The following ADAM22 variants were observed in gnomAD, a reference collection of about 807,000 sequenced individuals.
The protein encoded by ADAM22 is ADAM metallopeptidase domain 22.
In ADAM22, 65 loss-of-function variants were observed where a neutral mutation model predicts 144.6. The ratio of observed to expected loss-of-function variants is 0.45; its 90% CI spans 0.37 to 0.55. The LOEUF is 0.55. Ranked by LOEUF, ADAM22 falls within the 20% of genes least tolerant of loss-of-function variation. The probability of loss-of-function intolerance (pLI) is 0.00; values close to 1 mark genes in which losing one functional copy is unlikely to be tolerated. For synonymous variants in ADAM22, 391 were observed against 412.6 expected (o/e 0.95, Z 0.63); for missense variants, 974 against 1,184.9 (o/e 0.82, Z 2.61).
rs13235292 is a variant in ADAM22, at chr7:88,110,724, C to T, written c.473+2466C>T. Among the ~76,000 whole-genome samples the T allele has an allele frequency of 1.7e-3, 240 of 137,594 alleles. 2 individuals are homozygous for T. The highest frequency in any genetic ancestry group is 6.2e-3 in the African/African-American group (227 of 36,910). 90.3% of individuals were successfully genotyped at this position (137,594 alleles called of 152,430 possible). A position where few individuals can be genotyped will look rare whatever the true frequency, so the allele number is the denominator to read the frequency against. ...TCTTTCATTCATTCGTTCATTTGTT[C>T]GTTCGTTCATTCATTCTTTCTTTTG... On this transcript the variant is annotated intron_variant, in intron 5 of 31. Transcript: ENST00000413139.
chr7:88,039,449 C>CAAAAAAAAAAAA lies in ADAM22; in HGVS notation c.324-36172_324-36161dup, dbSNP rs1216762883. ...AGGGCAACAGAGCGAGATTCTGTCT[C>CAAAAAAAAAAAA]AAAAAAAAAAAAAAAATATATATAT... On this transcript the variant is annotated intron_variant, in intron 3 of 31. Coordinates refer to ENST00000413139, the MANE Select transcript of ADAM22 (RefSeq NM_001324418.2). Among the ~76,000 whole-genome samples, 119 of 58,596 alleles carry CAAAAAAAAAAAA rather than the reference C, an allele frequency of 2.0e-3. 8 individuals carry two copies. Among genetic ancestry groups the CAAAAAAAAAAAA allele is most frequent in the African/African-American group, 3.3e-3 (62 of 18,646 alleles). 38.4% of individuals were successfully genotyped at this position (58,596 alleles called of 152,430 possible).
intron 2 of ADAM22, among the ~76,000 whole-genome samples, chr7:87,961,406 G>T (rs565911596): frequency 4.6e-5 from 7 of 152,324 alleles, no homozygotes; most frequent in African/African-American, 1.7e-4. Context: ...TGGTCTCACA[G>T]TATTGGATTA....
At chr7:88,053,182 A>G (rs990442313) in intron 3 of ADAM22, among the ~76,000 whole-genome samples, 1 of 152,098 alleles carries the variant, frequency 6.6e-6, no homozygotes, top group Non-Finnish European at 1.5e-5. Flanking sequence ...TTACAGACAC[A>G]CACATAATTG....
Position 87,996,377 on chromosome 7 carries a change from T to G in ADAM22, c.323+17965T>G, listed in dbSNP as rs371059451. On this transcript the variant is annotated intron_variant, in intron 3 of 31. Coordinates refer to ENST00000413139, the MANE Select transcript of ADAM22 (RefSeq NM_001324418.2). ...TGATTCTGTCTTATTGAGGGCCTTC[T>G]TCCTAGTTTGCAGATAGCTACCTTC... 3.9e-5 allele frequency among the ~76,000 whole-genome samples: 6 copies of G among 152,222 alleles called. 1 individual carries two copies. Among genetic ancestry groups the G allele is most frequent in the Admixed American group, 2.6e-4 (4 of 15,288 alleles).
chr7:88,138,423 T>C (rs937467647), intron 14 of ADAM22, among the ~76,000 whole-genome samples: 1 of 152,208 alleles, frequency 6.6e-6, no homozygotes, highest in African/African-American at 2.4e-5. Flanking sequence ...GGAATTCTTC[T>C]TAAAGAGATG....
chr7:88,030,522 C>T (rs1270684236), intron 3 of ADAM22, among the ~76,000 whole-genome samples: 1 of 151,984 alleles, frequency 6.6e-6, no homozygotes, highest in African/African-American at 2.4e-5. Context: ...GTGTCTCCAC[C>T]CAAATCTCAT....
intron 2 of ADAM22, among the ~76,000 whole-genome samples, chr7:87,954,512 G>C (rs184305035): frequency 6.6e-6 from 1 of 152,278 alleles, no homozygotes; most frequent in Admixed American, 6.5e-5. Context: ...TGAGAGATCT[G>C]CTGTTAGTCT....
At chr7:88,085,608 A>G (rs1008125872) in intron 4 of ADAM22, among the ~76,000 whole-genome samples, 7 of 152,184 alleles carry the variant, frequency 4.6e-5, no homozygotes, top group African/African-American at 1.2e-4. Flanking sequence ...TTAAAAACCT[A>G]TATGGTAAAA....
At chr7:88,044,148 C>T (rs1228251382) in intron 3 of ADAM22, among the ~76,000 whole-genome samples, 1 of 152,122 alleles carries the variant, frequency 6.6e-6, no homozygotes, top group African/African-American at 2.4e-5. Flanking sequence ...AAATAATAGC[C>T]CTTGACTGCT....
At chr7:88,155,471 A>C (rs1037238626) in intron 21 of ADAM22, among the ~76,000 whole-genome samples, 9 of 151,530 alleles carry the variant, frequency 5.9e-5, no homozygotes, top group Admixed American at 4.6e-4. Context: ...GCAGTGAGCC[A>C]TGATTACACC....
intron 25 of ADAM22, among the ~76,000 whole-genome samples, chr7:88,169,260 A>G (rs1843664281): frequency 6.6e-6 from 1 of 152,094 alleles, no homozygotes; most frequent in Admixed American, 6.6e-5. Flanking sequence ...TTTGTGGAAG[A>G]CTATATATTA....
chr7:88,125,750 A>G, intron 8 of ADAM22, 91 bp downstream of exon 8: 1 of 1,087,058 alleles, frequency 9.2e-7, no homozygotes, highest in Non-Finnish European at 1.3e-6. Context: ...TGAGAGGGTG[A>G]GTATTAGTTT....
At chr7:88,166,305 CAATT>C (rs1370713838) in intron 24 of ADAM22, among the ~76,000 whole-genome samples, 4 of 152,150 alleles carry the variant, frequency 2.6e-5, no homozygotes, top group East Asian at 1.9e-4. Context: ...AAAGAAGAAA[CAATT>C]AAAGAATTGG....
At chr7:87,991,435 C>T (rs1462666033) in intron 3 of ADAM22, among the ~76,000 whole-genome samples, 1 of 146,786 alleles carries the variant, frequency 6.8e-6, no homozygotes, top group Non-Finnish European at 1.5e-5. Flanking sequence ...GGCGGAATCT[C>T]GGCTCACTGC....
At chr7:88,060,784 A>G (rs1299764457) in intron 3 of ADAM22, among the ~76,000 whole-genome samples, 10 of 150,668 alleles carry the variant, frequency 6.6e-5, no homozygotes, top group Admixed American at 2.0e-4. Context: ...AAAAAAAACA[A>G]AAAACACTTT....
intron 3 of ADAM22, among the ~76,000 whole-genome samples, chr7:88,052,662 C>T (rs900678714): frequency 3.3e-5 from 5 of 152,116 alleles, no homozygotes; most frequent in Non-Finnish European, 5.9e-5. Flanking sequence ...TGAAGCTGCA[C>T]GTGATAGTTT....
At chr7:87,939,512 C>T (rs1257053280) in intron 2 of ADAM22, among the ~76,000 whole-genome samples, 2 of 152,138 alleles carry the variant, frequency 1.3e-5, no homozygotes, top group African/African-American at 2.4e-5. Context: ...TCAAAGAGCA[C>T]GTGACTGTAG....
chr7:87,934,286 G>T lies in ADAM22; in HGVS notation c.-180G>T. ...TCCCCCCGCCAGCGGAAGCGTCCGC[G>T]AAGCACAATGCAGCACTGAGCCGCG... On this transcript the variant is annotated 5_prime_UTR_variant, in exon 1 of 32. Coordinates refer to ENST00000413139, the MANE Select transcript of ADAM22 (RefSeq NM_001324418.2). 3.8e-6 allele frequency: 2 copies of T among 532,030 alleles called. No individual in the cohort carries two copies. Among genetic ancestry groups the T allele is most frequent in the East Asian group, 3.5e-5 (1 of 28,522 alleles). The allele number at this position is 532,030 out of a possible 1,614,324, so 33.0% of individuals were successfully genotyped here.
intron 4 of ADAM22, among the ~76,000 whole-genome samples, chr7:88,081,398 G>A (rs185770688): frequency 2.7e-4 from 41 of 152,278 alleles, no homozygotes; most frequent in Admixed American, 2.0e-3. Flanking sequence ...TGAATGGGCA[G>A]AAACTGGAAG....
Sources: allele counts gnomAD v4.1 joint callset (sites outside exome capture counted in the v4.1 genomes callset), GRCh38; gene constraint gnomAD v4.1.1; transcripts MANE v1.5; gene names NCBI Gene and HGNC (gene_info 2026-07-23, HGNC 2026-07-21).